Variants in NEGR1 observed in about 807,000 individuals in gnomAD.
The protein encoded by NEGR1 is IgLON family member 4.
A neutral mutation model predicts 40.9 loss-of-function variants in NEGR1; 10 were observed. The observed-to-expected ratio is 0.24, with a 90% CI of 0.15 to 0.42. NEGR1 has a LOEUF of 0.42. NEGR1 is among the 10% of genes least tolerant of loss of function. The pLI, the probability that NEGR1 is intolerant of heterozygous loss-of-function variation, is 1.00. For synonymous variants in NEGR1, 185 were observed against 166.8 expected (o/e 1.11, Z -0.84); for missense variants, 352 against 438.9 (o/e 0.80, Z 1.77).
At chr1:72,225,931 G>C (rs925991945) in intron 1 of NEGR1, among the ~76,000 whole-genome samples, 1 of 151,532 alleles carries the variant, frequency 6.6e-6, no homozygotes, top group African/African-American at 2.4e-5. Flanking sequence ...AGACTAATGG[G>C]GTACATTACT....
chr1:72,162,292 A>AAAAAAAATAAAAATAAAAAATAAAAAT (rs149586363), intron 1 of NEGR1, among the ~76,000 whole-genome samples: 1 of 144,658 alleles, frequency 6.9e-6, no homozygotes, highest in Admixed American at 6.9e-5. Context: ...CCTCTACTAA[A>AAAAAAAATAAAAATAAAAAATAAAAAT]AAAAAATAAA....
chr1:71,947,097 CA>C (rs1646028382), intron 1 of NEGR1, among the ~76,000 whole-genome samples: 1 of 108,342 alleles, frequency 9.2e-6, no homozygotes, highest in Non-Finnish European at 2.0e-5. Context: ...CATACACACA[CA>C]CACACACACA....
At chr1:72,205,664 C>T (rs567051026) in intron 1 of NEGR1, among the ~76,000 whole-genome samples, 2 of 145,704 alleles carry the variant, frequency 1.4e-5, no homozygotes, top group African/African-American at 5.1e-5. Context: ...TGCCTATAAT[C>T]CTAGCACACT....
chr1:72,015,339 A>C (rs1221074367), intron 1 of NEGR1, among the ~76,000 whole-genome samples: 1 of 152,164 alleles, frequency 6.6e-6, no homozygotes, highest in Non-Finnish European at 1.5e-5. Context: ...TTCTAAAAAA[A>C]AAACAGATGT....
At chr1:71,568,363 T>C (rs1648688957) in intron 6 of NEGR1, among the ~76,000 whole-genome samples, 2 of 152,172 alleles carry the variant, frequency 1.3e-5, no homozygotes, top group Admixed American at 6.5e-5. Flanking sequence ...GTTTCTGTTC[T>C]TTTACCTATG....
intron 1 of NEGR1, among the ~76,000 whole-genome samples, chr1:72,023,999 C>A (rs773378430): frequency 2.6e-5 from 4 of 151,994 alleles, no homozygotes; most frequent in Non-Finnish European, 5.9e-5. Flanking sequence ...TAAGAATAAC[C>A]TTTAGAAGCA....
intron 1 of NEGR1, among the ~76,000 whole-genome samples, chr1:72,210,316 G>A (rs1388234225): frequency 6.6e-6 from 1 of 151,754 alleles, no homozygotes; most frequent in African/African-American, 2.4e-5. Context: ...AAAGACTACT[G>A]AAAGCCTTGA....
chr1:71,581,230 TATACC>T (rs1406808335), intron 6 of NEGR1, among the ~76,000 whole-genome samples: 1 of 152,174 alleles, frequency 6.6e-6, no homozygotes, highest in Admixed American at 6.5e-5. Flanking sequence ...TGGGAATGTT[TATACC>T]ATGGAAACCG....
At chr1:71,655,413 T>C (rs1455758086) in intron 4 of NEGR1, among the ~76,000 whole-genome samples, 1 of 152,206 alleles carries the variant, frequency 6.6e-6, no homozygotes, top group Admixed American at 6.5e-5. Flanking sequence ...ACTCCTTATA[T>C]AAAAATTACA....
chr1:72,147,938 T>C (rs1429022676), intron 1 of NEGR1, among the ~76,000 whole-genome samples: 1 of 151,282 alleles, frequency 6.6e-6, no homozygotes, highest in Non-Finnish European at 1.5e-5. Context: ...TCCACGCCTG[T>C]GGCTTAGCAG....
chr1:71,854,591 T>C (rs1268446830), intron 2 of NEGR1, among the ~76,000 whole-genome samples: 1 of 152,030 alleles, frequency 6.6e-6, no homozygotes, highest in Non-Finnish European at 1.5e-5. Flanking sequence ...GGGTAAGTTA[T>C]AAATAAAAGA....
intron 6 of NEGR1, among the ~76,000 whole-genome samples, chr1:71,452,266 A>T (rs894219490): frequency 2.0e-5 from 3 of 152,224 alleles, no homozygotes; most frequent in African/African-American, 7.2e-5. Flanking sequence ...GTCATCCTCA[A>T]TGATATCACT....
intron 2 of NEGR1, among the ~76,000 whole-genome samples, chr1:71,897,797 G>A (rs896450714): frequency 3.9e-5 from 6 of 152,086 alleles, no homozygotes; most frequent in Non-Finnish European, 5.9e-5. Flanking sequence ...TATGGTACAA[G>A]ATCTCTAAAA....
chr1:71,641,853 T>A (rs2101574050), intron 4 of NEGR1, among the ~76,000 whole-genome samples: 1 of 152,158 alleles, frequency 6.6e-6, no homozygotes, highest in Middle Eastern at 3.4e-3. Context: ...TAGGGTTATT[T>A]GAAGAGTGAC....
rs371109100 is a variant in NEGR1 at position 71,935,292 on chromosome 1, C to A, written c.196G>T (p.Ala66Ser). The change falls in exon 2 of 7, where the codon GCT (alanine) becomes TCT (serine). Residue 66 changes from alanine (A) to serine (S), a missense_variant. By Grantham distance (99) the Ala-to-Ser change is moderately conservative. Transcript: ENST00000357731. ...CGGTTCAGCCAGGCACCCTTTGAAG[C>A]TCCATCTTCCAAATAACACCTACAA... ...AVLRCYLEDGASKGAWLNRSS... is the reference protein window; with the variant it reads ...AVLRCYLEDGSSKGAWLNRSS... 4 of 1,612,752 alleles carry A rather than the reference C, an allele frequency of 2.5e-6. No homozygotes were observed. Among genetic ancestry groups the A allele is most frequent in the Non-Finnish European group, 3.4e-6 (4 of 1,178,844 alleles).
chr1:72,112,620 C>CA (rs1649419910), intron 1 of NEGR1, among the ~76,000 whole-genome samples: 1 of 151,324 alleles, frequency 6.6e-6, no homozygotes, highest in Non-Finnish European at 1.5e-5. Flanking sequence ...GGATCTTGGT[C>CA]ACAAGCCCTA....
At chr1:71,827,201 GA>G (rs199785593) in intron 2 of NEGR1, among the ~76,000 whole-genome samples, 1 of 147,686 alleles carries the variant, frequency 6.8e-6, no homozygotes, top group African/African-American at 2.5e-5. Flanking sequence ...TCTGTTTTAT[GA>G]AAAAAAAAGA....
chr1:71,675,774 T>C (rs1652608027), intron 4 of NEGR1, among the ~76,000 whole-genome samples: 1 of 140,544 alleles, frequency 7.1e-6, no homozygotes. Flanking sequence ...TTTTTGGTTT[T>C]TGTTGTTGTT....
At chr1:71,567,124 T>C (rs1393567895) in intron 6 of NEGR1, among the ~76,000 whole-genome samples, 1 of 152,172 alleles carries the variant, frequency 6.6e-6, no homozygotes, top group Non-Finnish European at 1.5e-5. Context: ...AGAGTGAAAC[T>C]GACAGAAGAG....
Sources: gnomAD v4.1 joint callset for allele counts (sites outside exome capture counted in the v4.1 genomes callset) on GRCh38, gnomAD v4.1.1 for gene constraint, MANE v1.5 for transcripts, NCBI Gene and HGNC (gene_info 2026-07-23, HGNC 2026-07-21) for gene names.